ASTN2: variants seen among roughly 807,000 people sequenced by gnomAD.
The protein encoded by ASTN2 is astrotactin-2.
A neutral mutation model predicts 139.8 loss-of-function variants in ASTN2; 54 were observed. The ratio of observed to expected loss-of-function variants is 0.39; its 90% CI spans 0.31 to 0.48. The LOEUF (loss-of-function observed/expected upper bound fraction) is 0.48. ASTN2 is among the 20% of genes least tolerant of loss of function. ASTN2 has a pLI of 0.95. For synonymous variants in ASTN2, 756 were observed against 719.5 expected (o/e 1.05, Z -0.81); for missense variants, 1,565 against 1,725.1 (o/e 0.91, Z 1.64).
At chr9:116,639,450 T>G (rs1216808169) in intron 17 of ASTN2, among the ~76,000 whole-genome samples, 3 of 152,202 alleles carry the variant, frequency 2.0e-5, no homozygotes, top group Non-Finnish European at 4.4e-5. Flanking sequence ...GACTTTTTTT[T>G]TCTTCTTAGA....
intron 2 of ASTN2, among the ~76,000 whole-genome samples, chr9:117,284,692 A>G: frequency 6.6e-6 from 1 of 152,246 alleles, no homozygotes; most frequent in African/African-American, 2.4e-5. Context: ...TAATGCACTT[A>G]TAAGTAGCAG....
At position 117,071,270 on chromosome 9, in the gene ASTN2, G is replaced by A. The variant is rs1038180471; in HGVS notation, c.1276+24774C>T. On this transcript the variant is annotated intron_variant, in intron 5 of 22. Transcript: ENST00000313400. Reference sequence around the variant, plus strand: ...TGCAGGTCTGTTGGAATACCCTGCCGTGTGAGGTGTCAGTGTGCCCCTGCT... The same window carrying A: ...TGCAGGTCTGTTGGAATACCCTGCCATGTGAGGTGTCAGTGTGCCCCTGCT... Among the ~76,000 whole-genome samples, 67 of 144,410 alleles carry A rather than the reference G, an allele frequency of 4.6e-4. 3 individuals carry two copies. The South Asian group carries it at 0.011, about 24-fold the overall frequency. The allele number at this position is 144,410 out of a possible 152,430, so 94.7% of individuals were successfully genotyped here.
chr9:116,570,608 A>C (rs1035565061), intron 19 of ASTN2, among the ~76,000 whole-genome samples: 2 of 152,152 alleles, frequency 1.3e-5, no homozygotes, highest in African/African-American at 4.8e-5. Context: ...CGTGTTAGCC[A>C]GGATGGTCTT....
At chr9:117,297,656 C>A (rs1834769511) in intron 1 of ASTN2, among the ~76,000 whole-genome samples, 1 of 152,152 alleles carries the variant, frequency 6.6e-6, no homozygotes, top group South Asian at 2.1e-4. Context: ...GGAATTGTTA[C>A]CACCCTAGGC....
Position 116,760,860 on chromosome 9 carries a change from T to C in ASTN2, c.2397-27337A>G, listed in dbSNP as rs553803314. Among the ~76,000 whole-genome samples, 50 of 152,248 alleles carry C rather than the reference T, an allele frequency of 3.3e-4. 1 individual carries two copies. The highest frequency in any genetic ancestry group is 3.2e-3 in the Admixed American group (49 of 15,294). On this transcript the variant is annotated intron_variant, in intron 13 of 22. Coordinates refer to ENST00000313400, the MANE Select transcript of ASTN2 (RefSeq NM_001365068.1). ...GCTAACAAGATAATGAATATTTTCA[T>C]CAGCTGCAGAGAATACAAACATCTG...
At chr9:116,836,981 A>T (rs1210090920) in intron 11 of ASTN2, among the ~76,000 whole-genome samples, 1 of 152,142 alleles carries the variant, frequency 6.6e-6, no homozygotes, top group Non-Finnish European at 1.5e-5. Flanking sequence ...CATACAAAAA[A>T]GTTGAAGACC....
chr9:116,913,479 C>T (rs192067941), intron 10 of ASTN2, among the ~76,000 whole-genome samples: 9 of 152,242 alleles, frequency 5.9e-5, no homozygotes, highest in East Asian at 3.9e-4. Flanking sequence ...CATGAAACCC[C>T]GCTGGCTTTG....
chr9:117,113,989 C>G (rs1015628578), intron 4 of ASTN2, among the ~76,000 whole-genome samples: 7 of 151,874 alleles, frequency 4.6e-5, no homozygotes, highest in Admixed American at 1.3e-4. Flanking sequence ...TTCTTGTAAA[C>G]AAGTTATACT....
At chr9:117,387,922 A>G (rs1830442430) in intron 1 of ASTN2, among the ~76,000 whole-genome samples, 1 of 152,146 alleles carries the variant, frequency 6.6e-6, no homozygotes, top group African/African-American at 2.4e-5. Context: ...TGCAAAGGCT[A>G]GAGCTGAAAG....
intron 2 of ASTN2, among the ~76,000 whole-genome samples, chr9:117,258,912 C>A (rs1311361971): frequency 6.6e-6 from 1 of 152,154 alleles, no homozygotes; most frequent in Non-Finnish European, 1.5e-5. Context: ...GTCTATTTCA[C>A]TTCTTGCCTA....
intron 3 of ASTN2, among the ~76,000 whole-genome samples, chr9:117,148,899 C>T (rs1310872472): frequency 5.3e-5 from 8 of 152,200 alleles, no homozygotes; most frequent in Admixed American, 2.6e-4. Flanking sequence ...GGACTTGAGC[C>T]GCAATATCAA....
chr9:116,740,180 C>G (rs544699134), intron 13 of ASTN2, among the ~76,000 whole-genome samples: 162 of 152,172 alleles, frequency 1.1e-3, no homozygotes, highest in Non-Finnish European at 1.8e-3. Flanking sequence ...TGGGCACATT[C>G]TAAAATGAAC....
intron 19 of ASTN2, chr9:116,610,994 C>T (rs548159910): frequency 6.6e-6 from 1 of 152,090 alleles, no homozygotes; most frequent in Non-Finnish European, 1.5e-5. Context: ...AGTGGATACA[C>T]ATTATTTTAA....
intron 13 of ASTN2, among the ~76,000 whole-genome samples, chr9:116,788,590 G>C (rs977872163): frequency 2.6e-5 from 4 of 152,058 alleles, no homozygotes; most frequent in Non-Finnish European, 2.9e-5. Flanking sequence ...ATCTCTTTGA[G>C]ACCCAGTTAC....
intron 3 of ASTN2, among the ~76,000 whole-genome samples, chr9:117,147,469 G>A (rs558199489): frequency 4.1e-5 from 5 of 121,012 alleles, no homozygotes; most frequent in South Asian, 2.8e-4. Flanking sequence ...ACACACCCCC[G>A]TTATCCACCG....
chr9:116,536,800 G>C (rs535181911), intron 19 of ASTN2, among the ~76,000 whole-genome samples: 87 of 152,328 alleles, frequency 5.7e-4, no homozygotes, highest in African/African-American at 2.1e-3. Flanking sequence ...CTTCTCAGGG[G>C]TCAGGGACCC....
At chr9:117,328,102 C>G (rs1828578873) in intron 1 of ASTN2, among the ~76,000 whole-genome samples, 1 of 152,194 alleles carries the variant, frequency 6.6e-6, no homozygotes, top group Non-Finnish European at 1.5e-5. Context: ...TTCTGAGTTT[C>G]ATTCTCGAGT....
chr9:116,580,632 A>G (rs989400883), intron 19 of ASTN2, among the ~76,000 whole-genome samples: 12 of 152,128 alleles, frequency 7.9e-5, no homozygotes, highest in African/African-American at 2.7e-4. Context: ...TCTGGCTGCC[A>G]TTTTCACATG....
chr9:117,168,507 G>T (rs1348061359), intron 3 of ASTN2, among the ~76,000 whole-genome samples: 1 of 152,080 alleles, frequency 6.6e-6, no homozygotes, highest in Non-Finnish European at 1.5e-5. Context: ...ATATTTGGAG[G>T]TGAGAGTTCT....
Sources: gnomAD v4.1 joint callset for allele counts (sites outside exome capture counted in the v4.1 genomes callset) on GRCh38, gnomAD v4.1.1 for gene constraint, MANE v1.5 for transcripts, NCBI Gene and HGNC (gene_info 2026-07-23, HGNC 2026-07-21) for gene names.